The following TACC2 variants were observed in gnomAD, a reference collection of about 807,000 sequenced individuals.
TACC2 encodes the protein transforming acidic coiled-coil-containing protein 2.
A neutral mutation model predicts 227.3 loss-of-function variants in TACC2; 137 were observed. The ratio of observed to expected loss-of-function variants is 0.60; its 90% CI spans 0.52 to 0.69. The LOEUF (loss-of-function observed/expected upper bound fraction) is 0.69, where lower values mean the gene tolerates loss of function less well. Ranked by LOEUF, TACC2 falls within the 30% of genes least tolerant of loss-of-function variation. TACC2 has a pLI of 0.00. For synonymous variants in TACC2, 1,523 were observed against 1,487.5 expected, an observed-to-expected ratio of 1.02 and a Z score of -0.55; for missense variants, 3,470 against 3,694.4, an observed-to-expected ratio of 0.94 and a Z score of 1.57.
At chr10:122,011,794 TA>T (rs1955961906) in intron 1 of TACC2, among the ~76,000 whole-genome samples, 1 of 152,234 alleles carries the variant, frequency 6.6e-6, no homozygotes, top group Non-Finnish European at 1.5e-5. Flanking sequence ...CTCACTTTAC[TA>T]TTCCTTTAAT....
Position 122,211,486 on chromosome 10 carries a change from C to T in TACC2, c.7061C>T (p.Ser2354Leu). 1 of 1,613,714 alleles carries T rather than the reference C, an allele frequency of 6.2e-7. No homozygotes were observed. Residue 2354 changes from serine (S) to leucine (L), a missense_variant, in exon 9 of 23, where the codon TCA becomes TTA. Physicochemically the swap from Ser to Leu is moderately radical, Grantham distance 145 (BLOSUM62 -2). Transcript: ENST00000369005. ...AATTTTAACCCTTTTTCTTCCACCT[C>T]AAAAATGCAGGAGTCTCCCAAACTG... ...DPNFNPFSST[S>L]KMQESPKLPQ...
chr10:122,134,167 A>G lies in TACC2; in HGVS notation c.5699+1433A>G, dbSNP rs1236145629. Among the ~76,000 whole-genome samples, 7 of 146,850 alleles carry G rather than the reference A, an allele frequency of 4.8e-5. No individual in the cohort carries two copies. The East Asian group carries it at 9.8e-4, about 20-fold the overall frequency. On this transcript the variant is annotated intron_variant, in intron 6 of 22. Coordinates refer to ENST00000369005, the MANE Select transcript of TACC2 (RefSeq NM_206862.4). ...CCTTTTATAGGTGGGAGTCAGCCATAGTTCTTTTTTTTTTTTTTTCCTGAG... is the reference window on the plus strand; with the variant it reads ...CCTTTTATAGGTGGGAGTCAGCCATGGTTCTTTTTTTTTTTTTTTCCTGAG...
In TACC2 at chr10:122,050,346, A is replaced by G. The variant is rs1373942502; in HGVS notation, c.34-92A>G. On this transcript the variant is annotated intron_variant, in intron 2 of 22. Coordinates refer to ENST00000369005, the MANE Select transcript of TACC2 (RefSeq NM_206862.4). This position sits in a 1 kb window ranked among gnomAD's most constrained non-coding sequence, Gnocchi z 4.6. ...GAGCAAGTGAACAACCTTACCTTGA[A>G]TGCTGTGGTGGGTGCCCTGTTGATA... 1 of 942,540 alleles carries G rather than the reference A, an allele frequency of 1.1e-6. No individual in the cohort carries two copies. The allele number at this position is 942,540 out of a possible 1,614,324, so 58.4% of individuals were successfully genotyped here. A position where few individuals can be genotyped will look rare whatever the true frequency, so the allele number is the denominator to read the frequency against.
chr10:122,195,194 G>A lies in TACC2; in HGVS notation c.5971+18G>A, dbSNP rs1329874488. The A allele has an allele frequency of 1.9e-6, 3 of 1,600,178 alleles. No individual in the cohort carries two copies. The highest frequency in any genetic ancestry group is 2.6e-6 in the Non-Finnish European group (3 of 1,172,314). ...AGAACCAGGTAACCAAGGGCAGGGA[G>A]GCCCCCAGACAGCCCTGTAGAGTTG... On this transcript the variant is annotated intron_variant, in intron 8 of 22. Transcript: ENST00000369005.
chr10:122,085,105 G>T lies in TACC2; in HGVS notation c.2605G>T (p.Gly869Ter). 6.2e-7 allele frequency: 1 copy of T among 1,614,162 alleles called. No homozygotes were observed. Among genetic ancestry groups the T allele is most frequent in the South Asian group, 1.1e-5 (1 of 91,076 alleles). ...AAGCCATCCAGGTTTTAAGGACCAG[G>T]GAGCAGATTCTTCCCAAATCCATGT... ...SPSHPGFKDQ[G>*]ADSSQIHVPV... The change falls in exon 4 of 23, where the codon GGA becomes TGA. Residue 869 changes from glycine (G) to a stop codon, truncating the protein, a stop_gained. Coordinates refer to ENST00000369005, the MANE Select transcript of TACC2 (RefSeq NM_206862.4). LOFTEE classifies it high-confidence loss of function.
At chr10:122,206,475 C>G (rs560785080) in intron 8 of TACC2, among the ~76,000 whole-genome samples, 2 of 152,160 alleles carry the variant, frequency 1.3e-5, no homozygotes, top group Non-Finnish European at 2.9e-5. Flanking sequence ...TGTTCCTATA[C>G]GAAGAGGAAG....
At chr10:122,242,569 A>G (rs1219443998) in intron 19 of TACC2, among the ~76,000 whole-genome samples, 4 of 152,178 alleles carry the variant, frequency 2.6e-5, no homozygotes, top group Admixed American at 1.3e-4. Flanking sequence ...GGCAGCCAGT[A>G]CTGAGAAATT....
intron 8 of TACC2, among the ~76,000 whole-genome samples, chr10:122,199,648 A>G (rs11200470): frequency 0.1 from 15,961 of 152,140 alleles, 2,715 homozygotes; most frequent in African/African-American, 0.36. Context: ...CTCTTCACCC[A>G]CACAAGAATT....
At chr10:122,167,362 A>G (rs1445995652) in intron 7 of TACC2, among the ~76,000 whole-genome samples, 2 of 152,260 alleles carry the variant, frequency 1.3e-5, no homozygotes, top group Non-Finnish European at 2.9e-5. Flanking sequence ...GGAAGAGAAG[A>G]GACAGTGGCA....
At chr10:122,124,431 A>G (rs1279795391) in intron 5 of TACC2, among the ~76,000 whole-genome samples, 1 of 152,152 alleles carries the variant, frequency 6.6e-6, no homozygotes, top group Non-Finnish European at 1.5e-5. Context: ...TGGCACAGGC[A>G]TTATCTTCTG....
intron 18 of TACC2, among the ~76,000 whole-genome samples, chr10:122,239,465 G>GA (rs1462424296): frequency 6.6e-6 from 1 of 152,222 alleles, no homozygotes; most frequent in Non-Finnish European, 1.5e-5. Context: ...GGTTCCCTGT[G>GA]ACCACCTCTG....
chr10:122,021,850 C>A, intron 1 of TACC2, 87 bp from the exon 2 acceptor site: 1 of 734,854 alleles, frequency 1.4e-6, no homozygotes, highest in South Asian at 1.7e-5. Flanking sequence ...CATCATCTGG[C>A]TTTTGAGTTT....
chr10:122,153,449 G>A (rs1261174154), intron 7 of TACC2, among the ~76,000 whole-genome samples: 2 of 152,224 alleles, frequency 1.3e-5, no homozygotes, highest in Non-Finnish European at 2.9e-5. Flanking sequence ...AACCATTTGG[G>A]TTGGGTCATC....
Position 122,209,703 on chromosome 10 carries a change from T to G in TACC2, c.5972-694T>G, listed in dbSNP as rs1332329565. Among the ~76,000 whole-genome samples, 1 of 152,208 alleles carries G rather than the reference T, an allele frequency of 6.6e-6. No homozygotes were observed. The highest frequency in any genetic ancestry group is 2.4e-5 in the African/African-American group (1 of 41,464). Reference sequence around the variant, plus strand: ...ATTCTGTACATTGTTTGTTTGTTTTTGAGACAGAGTCTCACTCACTCTGTC... The same window carrying G: ...ATTCTGTACATTGTTTGTTTGTTTTGGAGACAGAGTCTCACTCACTCTGTC... On this transcript the variant is annotated intron_variant, in intron 8 of 22. Transcript: ENST00000369005. This position sits in a 1 kb window ranked among gnomAD's most constrained non-coding sequence, Gnocchi z 4.5.
intron 5 of TACC2, chr10:122,113,381 A>ACTG (rs1565335993): frequency 6.6e-6 from 1 of 152,430 alleles, no homozygotes; most frequent in Non-Finnish European, 1.5e-5. Flanking sequence ...AAAGTGGCTA[A>ACTG]CTGCACATTC....
At chr10:122,061,386 G>T (rs2076810477) in intron 3 of TACC2, among the ~76,000 whole-genome samples, 3 of 151,868 alleles carry the variant, frequency 2.0e-5, no homozygotes, top group Admixed American at 1.3e-4. Context: ...GCTGAGATGT[G>T]AAAAGCACTA....
At chr10:122,217,088 G>A (rs1326221376) in intron 11 of TACC2, among the ~76,000 whole-genome samples, 3 of 152,132 alleles carry the variant, frequency 2.0e-5, no homozygotes, top group Admixed American at 1.3e-4. Flanking sequence ...GGACTCCATC[G>A]AGTGGGTCCT....
chr10:122,135,986 G>C (rs1173993080), intron 6 of TACC2, among the ~76,000 whole-genome samples: 1 of 152,206 alleles, frequency 6.6e-6, no homozygotes, highest in Non-Finnish European at 1.5e-5. Flanking sequence ...TTGTGCTTTA[G>C]AGAAGCTTCC....
At position 122,071,069 on chromosome 10, in the gene TACC2, G is replaced by A. The variant is rs545550883; in HGVS notation, c.147-11578G>A. Among the ~76,000 whole-genome samples, 11 of 152,270 alleles carry A rather than the reference G, an allele frequency of 7.2e-5. No individual in the cohort carries two copies. The South Asian group carries it at 2.3e-3, about 32-fold the overall frequency. On this transcript the variant is annotated intron_variant, in intron 3 of 22. Transcript: ENST00000369005. Reference sequence around the variant, plus strand: ...ATTTGCATTTTTCCATGAAGCACTAGCAAGGGCTTAACTTAAAATTAAGAA... The same window carrying A: ...ATTTGCATTTTTCCATGAAGCACTAACAAGGGCTTAACTTAAAATTAAGAA...
Sources: allele counts gnomAD v4.1 joint callset (sites outside exome capture counted in the v4.1 genomes callset), GRCh38; gene constraint gnomAD v4.1.1; non-coding constraint Gnocchi (gnomAD v3.1); transcripts MANE v1.5; gene names NCBI Gene and HGNC (gene_info 2026-07-23, HGNC 2026-07-21).